Variants in GLCCI1 observed in about 807,000 individuals in gnomAD.
The protein encoded by GLCCI1 is glucocorticoid-induced transcript 1 protein.
A neutral mutation model predicts 52.2 loss-of-function variants in GLCCI1; 24 were observed. The observed-to-expected ratio is 0.46, with a 90% confidence interval of 0.33 to 0.65. The LOEUF (loss-of-function observed/expected upper bound fraction) is 0.65. Ranked by LOEUF, GLCCI1 falls within the 30% of genes least tolerant of loss-of-function variation. The pLI is 0.02. For missense variants in GLCCI1, 704 were observed against 701.5 expected (o/e 1.00, Z -0.04); for synonymous variants, 310 against 276.5 (o/e 1.12, Z -1.20).
chr7:7,984,910 G>A (rs897864929), intron 1 of GLCCI1, among the ~76,000 whole-genome samples: 2 of 152,190 alleles, frequency 1.3e-5, no homozygotes, highest in Non-Finnish European at 2.9e-5. Flanking sequence ...GAAAAGATAT[G>A]CTTATATTGG....
At chr7:8,035,139 G>C (rs1471952168) in intron 3 of GLCCI1, among the ~76,000 whole-genome samples, 1 of 152,226 alleles carries the variant, frequency 6.6e-6, no homozygotes, top group Admixed American at 6.5e-5. Context: ...ACCCAGGGGA[G>C]CTGCAGGATT....
intron 2 of GLCCI1, among the ~76,000 whole-genome samples, chr7:8,006,012 G>A (rs1781141602): frequency 6.6e-6 from 1 of 152,068 alleles, no homozygotes; most frequent in Non-Finnish European, 1.5e-5. Context: ...TAGTCAAGCT[G>A]GTCTCGAACT....
rs192992075 is a variant in GLCCI1 at position 8,075,545 on chromosome 7, C to T, written c.1177+4414C>T. On this transcript the variant is annotated intron_variant, in intron 6 of 7. Transcript: ENST00000223145. ...ATTTATATAATACAGATGGCAGTGT[C>T]GGAATATTAGTTTCTTAAGCAGCTC... 8.5e-5 allele frequency among the ~76,000 whole-genome samples: 13 copies of T among 152,274 alleles called. No individual in the cohort carries two copies. In the East Asian group the frequency reaches 1.5e-3, roughly 18 times the overall value.
chr7:7,981,138 G>A (rs1483882604), intron 1 of GLCCI1: 5 of 460,920 alleles, frequency 1.1e-5, no homozygotes, highest in African/African-American at 2.1e-5. Context: ...ATTGAATCCA[G>A]TGACCACAGA....
chr7:8,055,368 A>G, intron 3 of GLCCI1, 65 bp from the exon 4 acceptor site: 1 of 946,442 alleles, frequency 1.1e-6, no homozygotes, highest in Non-Finnish European at 1.6e-6. Flanking sequence ...AAACTGAAGA[A>G]ATAAATATAA....
At chr7:7,981,905 T>C (rs1780629844) in intron 1 of GLCCI1, 1 of 462,368 alleles carries the variant, frequency 2.2e-6, no homozygotes, top group Non-Finnish European at 4.4e-6. Context: ...CAAGTAAAAA[T>C]CACAAGAAGA....
At chr7:8,050,242 T>A (rs1290552693) in intron 3 of GLCCI1, among the ~76,000 whole-genome samples, 1 of 152,190 alleles carries the variant, frequency 6.6e-6, no homozygotes, top group Non-Finnish European at 1.5e-5. Context: ...GTATGTATTT[T>A]CTTTGTGCAT....
At chr7:8,009,337 T>C (rs13223995) in intron 2 of GLCCI1, among the ~76,000 whole-genome samples, 3,426 of 152,104 alleles carry the variant, frequency 0.023, 61 homozygotes, top group East Asian at 0.09. Context: ...TGGACAAATT[T>C]TAAATTCTGT....
At chr7:8,011,128 A>AC (rs34297897) in intron 2 of GLCCI1, among the ~76,000 whole-genome samples, 29 of 132,968 alleles carry the variant, frequency 2.2e-4, no homozygotes, top group East Asian at 2.1e-3. Flanking sequence ...CCTCCCACAC[A>AC]AAAAAAAATA....
intron 1 of GLCCI1, among the ~76,000 whole-genome samples, chr7:7,982,603 T>C (rs1287248405): frequency 2.6e-5 from 4 of 152,204 alleles, no homozygotes; most frequent in Admixed American, 2.6e-4. Flanking sequence ...ATCTAGAATA[T>C]TGCCTATACT....
intron 6 of GLCCI1, among the ~76,000 whole-genome samples, chr7:8,072,363 T>C (rs1782781707): frequency 6.6e-6 from 1 of 152,036 alleles, no homozygotes; most frequent in South Asian, 2.1e-4. Context: ...GTTCTCCCCT[T>C]TCTTGTTGAC....
intron 1 of GLCCI1, among the ~76,000 whole-genome samples, chr7:8,001,149 T>G (rs1320397972): frequency 6.6e-6 from 1 of 152,170 alleles, no homozygotes; most frequent in Non-Finnish European, 1.5e-5. Flanking sequence ...GTCTTTACAA[T>G]TTGGCATATT....
chr7:8,057,242 G>C (rs1203284162), intron 4 of GLCCI1, among the ~76,000 whole-genome samples: 2 of 151,754 alleles, frequency 1.3e-5, no homozygotes, highest in Admixed American at 1.3e-4. Context: ...ACAAACACTT[G>C]TACATGAATC....
intron 2 of GLCCI1, among the ~76,000 whole-genome samples, chr7:8,022,127 A>G (rs1168474037): frequency 6.6e-6 from 1 of 152,168 alleles, no homozygotes; most frequent in South Asian, 2.1e-4. Context: ...TTTTACCTCT[A>G]TTGAATTTAG....
intron 3 of GLCCI1, chr7:8,022,775 T>G: frequency 3.9e-6 from 1 of 259,004 alleles, no homozygotes. Flanking sequence ...GGCTGCATTC[T>G]ACATTTTGGT....
At chr7:7,973,841 T>A (rs574598404) in intron 1 of GLCCI1, among the ~76,000 whole-genome samples, 1 of 152,240 alleles carries the variant, frequency 6.6e-6, no homozygotes, top group East Asian at 1.9e-4. Flanking sequence ...GTTTTTCTCT[T>A]TTCCTTAAAT....
chr7:8,068,595 C>T (rs1290799627), intron 5 of GLCCI1, among the ~76,000 whole-genome samples: 2 of 152,090 alleles, frequency 1.3e-5, no homozygotes, highest in South Asian at 2.1e-4. Context: ...TCTTCTGAAT[C>T]TTGATGACCT....
At chr7:7,976,738 C>A (rs1447040477) in intron 1 of GLCCI1, among the ~76,000 whole-genome samples, 4 of 151,414 alleles carry the variant, frequency 2.6e-5, no homozygotes, top group Non-Finnish European at 5.9e-5. Context: ...ATGACAAGAC[C>A]TTGCCTCTGC....
In GLCCI1 at chr7:8,007,208, G is replaced by A. The variant is rs141782254; in HGVS notation, c.609+3149G>A. ...TGAGAAGTTTGACATTGAAAAGAAG[G>A]TAAAATATAGGGCTCATTTTACAGA... On this transcript the variant is annotated intron_variant, in intron 2 of 7. Transcript: ENST00000223145. 5.3e-5 allele frequency among the ~76,000 whole-genome samples: 8 copies of A among 152,262 alleles called. No individual in the cohort carries two copies. The East Asian group carries it at 1.4e-3, about 26-fold the overall frequency.
Sources: gnomAD v4.1 joint callset for allele counts (sites outside exome capture counted in the v4.1 genomes callset) on GRCh38, gnomAD v4.1.1 for gene constraint, MANE v1.5 for transcripts, NCBI Gene and HGNC (gene_info 2026-07-23, HGNC 2026-07-21) for gene names.